ATP11A: variants seen among roughly 807,000 people sequenced by gnomAD.
ATP11A encodes ATPase phospholipid transporting 11A, also known as phospholipid-transporting ATPase IH.
In ATP11A, 81 loss-of-function variants were observed where a neutral mutation model predicts 154.4. That is an observed-to-expected ratio of 0.52 (90% CI 0.44 to 0.63). The LOEUF is 0.63. Among genes scored for constraint, ATP11A ranks in the 30% least tolerant of loss-of-function variants. ATP11A has a pLI of 0.00. For synonymous variants in ATP11A, 623 were observed against 585.9 expected, an observed-to-expected ratio of 1.06 and a Z score of -0.91; for missense variants, 1,316 against 1,474.3, an observed-to-expected ratio of 0.89 and a Z score of 1.76.
chr13:112,797,234 G>C (rs1263459902), intron 2 of ATP11A, among the ~76,000 whole-genome samples: 3 of 124,766 alleles, frequency 2.4e-5, no homozygotes, highest in Non-Finnish European at 4.7e-5. Flanking sequence ...AGTGAGCCAA[G>C]ATAGCACCAC....
At chr13:112,816,724 A>T (rs895029244) in intron 6 of ATP11A, among the ~76,000 whole-genome samples, 21 of 151,782 alleles carry the variant, frequency 1.4e-4, no homozygotes, top group African/African-American at 5.1e-4. Flanking sequence ...TTTGACCTAC[A>T]CCTCCCCATT....
intron 11 of ATP11A, 144 bp from the exon 12 acceptor site, chr13:112,826,550 G>A: frequency 1.4e-6 from 1 of 719,710 alleles, no homozygotes; most frequent in Non-Finnish European, 2.4e-6. Context: ...TCCGCCCATA[G>A]TCCTTGTCTT....
intron 1 of ATP11A, among the ~76,000 whole-genome samples, chr13:112,707,332 T>C (rs577017110): frequency 7.3e-5 from 11 of 151,552 alleles, no homozygotes; most frequent in African/African-American, 2.7e-4. Context: ...GGAGACTTGC[T>C]TGAACCCAGG....
chr13:112,803,833 C>CTCCTCCTTCCTCTCCTTCCCCTCCTTT (rs1555328817), intron 2 of ATP11A, among the ~76,000 whole-genome samples: 1,913 of 95,662 alleles, frequency 0.02, 150 homozygotes, highest in Admixed American at 0.038. Flanking sequence ...CCTTCCCCTC[C>CTCCTCCTTCCTCTCCTTCCCCTCCTTT]TCCTCCTTCC....
intron 5 of ATP11A, among the ~76,000 whole-genome samples, chr13:112,815,070 G>A (rs994045959): frequency 6.6e-6 from 1 of 152,178 alleles, no homozygotes; most frequent in Non-Finnish European, 1.5e-5. Context: ...CATGCCTCCC[G>A]AGTGGCAGTG....
rs1165662740 is a variant in ATP11A, at chr13:112,860,398, G to C, written c.2839G>C (p.Asp947His). The C allele has an allele frequency of 6.2e-7, 1 of 1,614,124 alleles. No individual in the cohort carries two copies. Among genetic ancestry groups the C allele is most frequent in the Admixed American group, 1.7e-5 (1 of 60,014 alleles). The change falls in exon 24 of 30, where the codon GAC (aspartate) becomes CAC (histidine). Residue 947 changes from aspartate (D) to histidine (H), a missense_variant. By Grantham distance (81) the Asp-to-His change is moderately conservative (BLOSUM62 -1). Around this residue, in one of 5 missense-constraint regions of ATP11A, gnomAD observed 294 missense variants for 290.2 expected, o/e 1.01. Coordinates refer to ENST00000375645, the MANE Select transcript of ATP11A (RefSeq NM_015205.3). ...TGTTGGCATTGACGTGCTCAAGAGA[G>C]ACCCGACCCTGTACAGGTACCATCC... ...QHVGIDVLKR[D>H]PTLYRDVAKN...
intron 1 of ATP11A, among the ~76,000 whole-genome samples, chr13:112,755,447 G>A (rs1388239616): frequency 6.6e-6 from 1 of 152,174 alleles, no homozygotes; most frequent in Non-Finnish European, 1.5e-5. Context: ...GGACGGCCCC[G>A]AACTGCCTAT....
At chr13:112,721,313 T>G (rs1889150272) in intron 1 of ATP11A, among the ~76,000 whole-genome samples, 1 of 152,184 alleles carries the variant, frequency 6.6e-6, no homozygotes, top group Non-Finnish European at 1.5e-5. Flanking sequence ...TTTGTTTTGG[T>G]CTCTTAGATC....
chr13:112,701,310 T>C (rs968544769), intron 1 of ATP11A, among the ~76,000 whole-genome samples: 3 of 152,230 alleles, frequency 2.0e-5, no homozygotes, highest in African/African-American at 7.2e-5. Context: ...AGCTACTAAC[T>C]TCCAGGCATC....
chr13:112,879,650 C>T (rs1334630438), intron 29 of ATP11A, among the ~76,000 whole-genome samples: 1 of 152,238 alleles, frequency 6.6e-6, no homozygotes, highest in Non-Finnish European at 1.5e-5. Flanking sequence ...CCCCCACAGA[C>T]AGGGCCGGCG....
At chr13:112,775,801 C>A (rs2077333937) in intron 1 of ATP11A, among the ~76,000 whole-genome samples, 1 of 152,192 alleles carries the variant, frequency 6.6e-6, no homozygotes, top group African/African-American at 2.4e-5. Flanking sequence ...CCAGGGAAGC[C>A]CAGCCCACAC....
At chr13:112,879,711 G>C (rs1428688735) in intron 29 of ATP11A, among the ~76,000 whole-genome samples, 1 of 152,214 alleles carries the variant, frequency 6.6e-6, no homozygotes, top group Non-Finnish European at 1.5e-5. Context: ...CGGCGCACAC[G>C]GGAACACGCC....
chr13:112,776,467 T>C (rs2077351921), intron 1 of ATP11A, among the ~76,000 whole-genome samples: 1 of 152,260 alleles, frequency 6.6e-6, no homozygotes. Flanking sequence ...TGCGTGACAC[T>C]GAACGCTGCC....
intron 1 of ATP11A, among the ~76,000 whole-genome samples, chr13:112,700,077 G>A (rs1229226241): frequency 2.8e-5 from 4 of 143,752 alleles, no homozygotes; most frequent in Non-Finnish European, 6.0e-5. Flanking sequence ...GAAAGGGAAC[G>A]AAAATAAGAT....
At chr13:112,712,082 A>G (rs1594373797) in intron 1 of ATP11A, among the ~76,000 whole-genome samples, 1 of 152,204 alleles carries the variant, frequency 6.6e-6, no homozygotes, top group Non-Finnish European at 1.5e-5. Flanking sequence ...AAAACAAAGC[A>G]GAAGCTGCCA....
At chr13:112,760,335 C>T (rs914375217) in intron 1 of ATP11A, among the ~76,000 whole-genome samples, 8 of 152,176 alleles carry the variant, frequency 5.3e-5, no homozygotes, top group African/African-American at 9.7e-5. Flanking sequence ...GGGCCCCCGC[C>T]GAGTCCAGTG....
intron 25 of ATP11A, 27 bp from the exon 26 acceptor site, chr13:112,871,708 A>G: frequency 6.2e-7 from 1 of 1,604,442 alleles, no homozygotes; most frequent in African/African-American, 1.3e-5. Context: ...TAAAAACGAG[A>G]TGACTTGGAC....
intron 1 of ATP11A, among the ~76,000 whole-genome samples, chr13:112,710,402 G>A (rs1002161853): frequency 6.6e-6 from 1 of 152,200 alleles, no homozygotes; most frequent in African/African-American, 2.4e-5. Flanking sequence ...AAATGGGGCT[G>A]TAGCAGGGCA....
chr13:112,821,882 A>C (rs546014697), intron 8 of ATP11A, among the ~76,000 whole-genome samples: 4 of 152,244 alleles, frequency 2.6e-5, no homozygotes, highest in Non-Finnish European at 5.9e-5. Flanking sequence ...TTGCAAACAG[A>C]AGCTGACAGT....
Sources: gnomAD v4.1 joint callset for allele counts (sites outside exome capture counted in the v4.1 genomes callset) on GRCh38, gnomAD v4.1.1 for gene constraint, gnomAD v4.1.1 regional missense constraint, MANE v1.5 for transcripts, NCBI Gene and HGNC (gene_info 2026-07-23, HGNC 2026-07-21) for gene names.